The following NCAM1 variants were observed in gnomAD, a reference collection of about 807,000 sequenced individuals.
NCAM1 encodes the protein antigen recognized by monoclonal antibody 5.1H11.
In NCAM1, 14 loss-of-function variants were observed where a neutral mutation model predicts 109.8. The observed-to-expected ratio is 0.13, with a 90% CI of 0.08 to 0.20. NCAM1 has a LOEUF of 0.20. Ranked by LOEUF, NCAM1 falls within the 10% of genes least tolerant of loss-of-function variation. The pLI, the probability that NCAM1 is intolerant of heterozygous loss-of-function variation, is 1.00. For synonymous variants in NCAM1, 418 were observed against 442.9 expected, an observed-to-expected ratio of 0.94 and a Z score of 0.70; for missense variants, 774 against 1,109.9, an observed-to-expected ratio of 0.70 and a Z score of 4.30.
chr11:113,165,571 A>G (rs1358562389), intron 1 of NCAM1, among the ~76,000 whole-genome samples: 1 of 152,176 alleles, frequency 6.6e-6, no homozygotes, highest in African/African-American at 2.4e-5. Flanking sequence ...GCTGGGATCT[A>G]TATAGCCTTT....
chr11:113,231,846 C>A, intron 10 of NCAM1, 51 bp downstream of exon 10: 2 of 1,606,476 alleles, frequency 1.2e-6, no homozygotes, highest in South Asian at 2.2e-5. Flanking sequence ...AAGGCAGGGT[C>A]AGGATGAGAG....
chr11:112,973,666 T>A (rs1472330314), intron 1 of NCAM1, among the ~76,000 whole-genome samples: 4 of 152,122 alleles, frequency 2.6e-5, no homozygotes, highest in Non-Finnish European at 5.9e-5. Flanking sequence ...GAGGATGAAA[T>A]GAGGTAGTTT....
intron 1 of NCAM1, among the ~76,000 whole-genome samples, chr11:112,984,678 C>G (rs184526322): frequency 6.6e-6 from 1 of 151,874 alleles, no homozygotes; most frequent in African/African-American, 2.4e-5. Flanking sequence ...TATACAGTAT[C>G]TGTTGGTTAT....
At chr11:113,142,623 C>G (rs1017515465) in intron 1 of NCAM1, among the ~76,000 whole-genome samples, 4 of 152,154 alleles carry the variant, frequency 2.6e-5, no homozygotes, top group Admixed American at 6.5e-5. Flanking sequence ...CCCTCTTACT[C>G]TATCCTCACC....
intron 1 of NCAM1, among the ~76,000 whole-genome samples, chr11:113,014,785 C>T (rs1252937902): frequency 1.3e-5 from 2 of 152,202 alleles, no homozygotes; most frequent in Admixed American, 1.3e-4. Flanking sequence ...TAGCACACAG[C>T]TGAGACGTTA....
chr11:113,030,309 C>G (rs1555078128), intron 1 of NCAM1, among the ~76,000 whole-genome samples: 1 of 152,154 alleles, frequency 6.6e-6, no homozygotes, highest in African/African-American at 2.4e-5. Context: ...CTTAGTTCCT[C>G]TCTTCTCTAA....
intron 1 of NCAM1, among the ~76,000 whole-genome samples, chr11:113,004,446 C>T (rs890130965): frequency 2.0e-5 from 3 of 151,780 alleles, no homozygotes; most frequent in Admixed American, 6.6e-5. Context: ...GAGCCGAGAT[C>T]GTGCCACTGC....
rs1952199518 is a variant in NCAM1 at position 113,016,093 on chromosome 11, C to A, written c.52+54429C>A. Reference sequence around the variant, plus strand: ...TAATTGGAAGAACCTAAGGACATGCCCATAAATGGTTCAATTTATGAAGCC... The same window carrying A: ...TAATTGGAAGAACCTAAGGACATGCACATAAATGGTTCAATTTATGAAGCC... On this transcript the variant is annotated intron_variant, in intron 1 of 19. Transcript: ENST00000316851. Among the ~76,000 whole-genome samples the A allele has an allele frequency of 2.0e-5, 3 of 152,156 alleles. No individual in the cohort carries two copies. The South Asian group carries it at 6.2e-4, about 32-fold the overall frequency.
intron 1 of NCAM1, among the ~76,000 whole-genome samples, chr11:113,142,812 T>A (rs1941877619): frequency 6.6e-6 from 1 of 152,202 alleles, no homozygotes; most frequent in African/African-American, 2.4e-5. Context: ...GATACTAACG[T>A]ATCATTTCAA....
At chr11:113,129,527 T>C (rs965934839) in intron 1 of NCAM1, among the ~76,000 whole-genome samples, 1 of 152,188 alleles carries the variant, frequency 6.6e-6, no homozygotes, top group South Asian at 2.1e-4. Context: ...AAATGGCTGC[T>C]CAGTCACAGC....
intron 1 of NCAM1, among the ~76,000 whole-genome samples, chr11:113,026,114 A>T (rs1952538265): frequency 1.3e-5 from 2 of 152,224 alleles, no homozygotes; most frequent in African/African-American, 4.8e-5. Flanking sequence ...GGTTTAAGGG[A>T]AATATTTCAA....
intron 17 of NCAM1, chr11:113,263,357 C>G: frequency 1.0e-6 from 1 of 996,142 alleles, no homozygotes. Context: ...CATTCTAACT[C>G]TGTGCTCCTT....
chr11:113,207,523 G>C, intron 6 of NCAM1, 145 bp downstream of exon 6: 1 of 720,322 alleles, frequency 1.4e-6, no homozygotes, highest in South Asian at 1.9e-5. Context: ...TTTTCTATAA[G>C]ATTCTCTTGC....
chr11:113,097,521 A>T (rs1939654665), intron 1 of NCAM1, among the ~76,000 whole-genome samples: 1 of 151,890 alleles, frequency 6.6e-6, no homozygotes, highest in Admixed American at 6.6e-5. Context: ...TAGCTGAATG[A>T]TCTGGTTACC....
intron 6 of NCAM1, among the ~76,000 whole-genome samples, chr11:113,207,592 G>C (rs1178157394): frequency 6.6e-6 from 1 of 152,166 alleles, no homozygotes; most frequent in African/African-American, 2.4e-5. Flanking sequence ...GAGCCAGAGG[G>C]TGTGGTCTTG....
intron 1 of NCAM1, 114 bp from the exon 2 acceptor site, chr11:113,202,264 AT>A (rs1158252490): frequency 4.5e-6 from 5 of 1,106,004 alleles, no homozygotes; most frequent in Non-Finnish European, 5.1e-6. Context: ...TGGGAAGCCT[AT>A]TTTTGAATGG....
intron 1 of NCAM1, among the ~76,000 whole-genome samples, chr11:113,111,439 G>A (rs1409841628): frequency 1.3e-5 from 2 of 152,126 alleles, no homozygotes; most frequent in South Asian, 2.1e-4. Flanking sequence ...GTCTGATTCC[G>A]TATGTATGAT....
At chr11:113,205,489 G>A in intron 3 of NCAM1, 34 bp from the exon 4 acceptor site, 1 of 1,591,180 alleles carries the variant, frequency 6.3e-7, no homozygotes, top group Non-Finnish European at 8.6e-7. Context: ...GAGAGAAGCA[G>A]CTGTTTTCCC....
Position 113,214,509 on chromosome 11 carries a change from A to G in NCAM1, c.1057A>G (p.Lys353Glu). ...TSTRNISSEE[K>E]ASWTRPEKQE... ...TACCCGGAACATCAGCAGCGAAGAA[A>G]AGGTATCATGCTCCCCAGGAGTTTC... The change falls in exon 8 of 20, where the codon AAG becomes GAG. Residue 353 changes from lysine to glutamate, a missense_variant and splice_region_variant. Lys to Glu is a moderately conservative substitution (Grantham distance 56, BLOSUM62 1). Coordinates refer to ENST00000316851, the MANE Select transcript of NCAM1 (RefSeq NM_181351.5). 1 of 1,604,960 alleles carries G rather than the reference A, an allele frequency of 6.2e-7. No homozygotes were observed. Among genetic ancestry groups the G allele is most frequent in the South Asian group, 1.1e-5 (1 of 89,218 alleles).
Sources: gnomAD v4.1 joint callset for allele counts (sites outside exome capture counted in the v4.1 genomes callset) on GRCh38, gnomAD v4.1.1 for gene constraint, MANE v1.5 for transcripts, NCBI Gene and HGNC (gene_info 2026-07-23, HGNC 2026-07-21) for gene names.